Variants in GPR137C observed in about 807,000 individuals in gnomAD.
The protein encoded by GPR137C is G protein-coupled receptor 137C, also known as integral membrane protein GPR137C.
In GPR137C, 27 loss-of-function variants were observed where a neutral mutation model predicts 43.4. The ratio of observed to expected loss-of-function variants is 0.62; its 90% CI spans 0.46 to 0.86. The LOEUF (loss-of-function observed/expected upper bound fraction) is 0.86, where lower values mean the gene tolerates loss of function less well. Among genes scored for constraint, GPR137C ranks in the 40% least tolerant of loss-of-function variants. The pLI is 0.00. For missense variants in GPR137C, 522 were observed against 534.6 expected, an observed-to-expected ratio of 0.98 and a Z score of 0.23; for synonymous variants, 285 against 226.9, an observed-to-expected ratio of 1.26 and a Z score of -2.30.
chr14:52,631,255 CTTAGG>C (rs2039290616), intron 3 of GPR137C, among the ~76,000 whole-genome samples: 1 of 152,124 alleles, frequency 6.6e-6, no homozygotes, highest in South Asian at 2.1e-4. Context: ...GGACAGTTAG[CTTAGG>C]TGGAGGATTC....
At chr14:52,590,855 A>G (rs1034811746) in intron 1 of GPR137C, among the ~76,000 whole-genome samples, 3 of 151,926 alleles carry the variant, frequency 2.0e-5, no homozygotes, top group African/African-American at 7.2e-5. Context: ...TATTATACTT[A>G]AAGTTCTAGG....
At chr14:52,563,881 A>C (rs1566602220) in intron 1 of GPR137C, among the ~76,000 whole-genome samples, 2 of 152,146 alleles carry the variant, frequency 1.3e-5, no homozygotes, top group Non-Finnish European at 2.9e-5. Context: ...TGACTAGTCC[A>C]TGGCAGTTAG....
In GPR137C at chr14:52,607,348, T is replaced by C. The variant is rs900896384; in HGVS notation, c.717+7007T>C. On this transcript the variant is annotated intron_variant, in intron 3 of 6. Coordinates refer to ENST00000321662, the MANE Select transcript of GPR137C (RefSeq NM_001099652.2). ...TTATCTCCAATGTTTCTTTGTTGAT[T>C]TTCCACCTGGATGATCTGTCCGTTG... 2.0e-5 allele frequency among the ~76,000 whole-genome samples: 3 copies of C among 152,320 alleles called. No individual in the cohort carries two copies. The South Asian group carries it at 6.2e-4, about 32-fold the overall frequency.
chr14:52,576,403 A>G (rs1240997798), intron 1 of GPR137C, among the ~76,000 whole-genome samples: 1 of 152,222 alleles, frequency 6.6e-6, no homozygotes, highest in Non-Finnish European at 1.5e-5. Context: ...TATCTTTGCT[A>G]TTATGAATAG....
intron 1 of GPR137C, among the ~76,000 whole-genome samples, chr14:52,563,591 C>G (rs1047599014): frequency 1.3e-5 from 2 of 152,116 alleles, no homozygotes; most frequent in African/African-American, 4.8e-5. Flanking sequence ...CTGCAGTAAG[C>G]AATGTTTGCG....
chr14:52,559,475 AAAG>A (rs1395570645), intron 1 of GPR137C, among the ~76,000 whole-genome samples: 35 of 152,258 alleles, frequency 2.3e-4, no homozygotes, highest in African/African-American at 8.2e-4. Context: ...ATAGATGCAG[AAAG>A]AAGAATTTGA....
chr14:52,585,372 C>T (rs183618544), intron 1 of GPR137C, among the ~76,000 whole-genome samples: 21 of 151,140 alleles, frequency 1.4e-4, no homozygotes, highest in Admixed American at 1.3e-3. Flanking sequence ...TGCTCTCGCT[C>T]TCACTTGCTC....
chr14:52,621,874 AAATT>A lies in GPR137C; in HGVS notation c.718-10283_718-10280del, dbSNP rs1361335912. Reference sequence around the variant, plus strand: ...TAATACAAATCATACTATAAATAAAAAATTAAGAGATTATAAAAATATCCATTTA... The same window carrying A: ...TAATACAAATCATACTATAAATAAAAAAGAGATTATAAAAATATCCATTTA... On this transcript the variant is annotated intron_variant, in intron 3 of 6. Transcript: ENST00000321662. Among the ~76,000 whole-genome samples the A allele has an allele frequency of 2.0e-5, 3 of 151,810 alleles. No individual in the cohort carries two copies. In the East Asian group the frequency reaches 5.8e-4, roughly 29 times the overall value.
rs139930991 is a variant in GPR137C at position 52,563,600 on chromosome 14, C to T, written c.444+10009C>T. Among the ~76,000 whole-genome samples, 399 of 152,174 alleles carry T rather than the reference C, an allele frequency of 2.6e-3. 2 individuals carry two copies. Among genetic ancestry groups the T allele is most frequent in the African/African-American group, 8.9e-3 (371 of 41,508 alleles). On this transcript the variant is annotated intron_variant, in intron 1 of 6. Coordinates refer to ENST00000321662, the MANE Select transcript of GPR137C (RefSeq NM_001099652.2). ...TCGAGGCTGCAGTAAGCAATGTTTG[C>T]GCCACTGTACTCCAGCCTGGATTAC...
chr14:52,565,513 T>C lies in GPR137C; in HGVS notation c.444+11922T>C, dbSNP rs2038355758. On this transcript the variant is annotated intron_variant, in intron 1 of 6. Coordinates refer to ENST00000321662, the MANE Select transcript of GPR137C (RefSeq NM_001099652.2). ...CATCTATGTCTGCTTTGCCCCACTA[T>C]ACTACATATTGCTTTAGATCAGCCA... is the stretch of plus-strand genomic sequence containing the variant. 3.3e-5 allele frequency among the ~76,000 whole-genome samples: 5 copies of C among 152,226 alleles called. No individual in the cohort carries two copies. The South Asian group carries it at 1.0e-3, about 32-fold the overall frequency.
intron 3 of GPR137C, among the ~76,000 whole-genome samples, chr14:52,608,823 T>C (rs2039009343): frequency 6.6e-6 from 1 of 152,162 alleles, no homozygotes; most frequent in Non-Finnish European, 1.5e-5. Flanking sequence ...TCCTAAATGT[T>C]ATTTGCATCT....
Position 52,624,924 on chromosome 14 carries a change from CAA to C in GPR137C, c.718-7235_718-7234del, listed in dbSNP as rs368276018. Among the ~76,000 whole-genome samples, 83 of 152,114 alleles carry C rather than the reference CAA, an allele frequency of 5.5e-4. 2 individuals are homozygous for C. In the South Asian group the frequency reaches 0.014, roughly 26 times the overall value. ...TAAACATCTTACAGACATTAAAAGACAAGAGGATATATGAACAACACTTTGCT... is the reference window on the plus strand; with the variant it reads ...TAAACATCTTACAGACATTAAAAGACGAGGATATATGAACAACACTTTGCT... On this transcript the variant is annotated intron_variant, in intron 3 of 6. Coordinates refer to ENST00000321662, the MANE Select transcript of GPR137C (RefSeq NM_001099652.2).
At chr14:52,560,721 T>C (rs1019323178) in intron 1 of GPR137C, among the ~76,000 whole-genome samples, 2 of 152,194 alleles carry the variant, frequency 1.3e-5, no homozygotes, top group African/African-American at 4.8e-5. Flanking sequence ...AAATGAACAT[T>C]GATTGTTACC....
intron 1 of GPR137C, among the ~76,000 whole-genome samples, chr14:52,557,669 A>G (rs1594777490): frequency 6.6e-6 from 1 of 152,236 alleles, no homozygotes; most frequent in East Asian, 1.9e-4. Flanking sequence ...ACATGATTAT[A>G]ATGCCTTATA....
In GPR137C at chr14:52,625,426, G is replaced by A. The variant is rs1180469967; in HGVS notation, c.718-6734G>A. ...GAACCCAGGAAGTGGAGGTTGCAGT[G>A]AGCCAAGATTGCACTACTGCACTCC... On this transcript the variant is annotated intron_variant, in intron 3 of 6. Coordinates refer to ENST00000321662, the MANE Select transcript of GPR137C (RefSeq NM_001099652.2). Among the ~76,000 whole-genome samples the A allele has an allele frequency of 2.1e-5, 3 of 139,622 alleles. No individual in the cohort carries two copies. In the Admixed American group the frequency reaches 2.2e-4, roughly 10 times the overall value. 91.6% of individuals were successfully genotyped at this position (139,622 alleles called of 152,430 possible).
chr14:52,605,464 T>C (rs2038973870), intron 3 of GPR137C, among the ~76,000 whole-genome samples: 1 of 152,210 alleles, frequency 6.6e-6, no homozygotes, highest in African/African-American at 2.4e-5. Flanking sequence ...TTTAAGTTTT[T>C]CAAAATATGA....
intron 1 of GPR137C, among the ~76,000 whole-genome samples, chr14:52,588,588 A>T (rs1025137946): frequency 3.3e-5 from 5 of 152,240 alleles, no homozygotes; most frequent in Admixed American, 6.5e-5. Context: ...ATAAGGAAAC[A>T]CTATAAGATC....
intron 1 of GPR137C, among the ~76,000 whole-genome samples, chr14:52,556,266 T>G (rs1448737970): frequency 2.0e-5 from 3 of 152,162 alleles, no homozygotes; most frequent in Non-Finnish European, 4.4e-5. Flanking sequence ...CTTTAAGGAC[T>G]TAGTTATAAA....
chr14:52,591,672 GTTTGTT>G (rs1262551608), intron 1 of GPR137C, among the ~76,000 whole-genome samples: 1 of 152,054 alleles, frequency 6.6e-6, no homozygotes, highest in African/African-American at 2.4e-5. Context: ...TGATGGTGTT[GTTTGTT>G]TTTTTCTTGT....
Sources: allele counts gnomAD v4.1 joint callset (sites outside exome capture counted in the v4.1 genomes callset), GRCh38; gene constraint gnomAD v4.1.1; transcripts MANE v1.5; gene names NCBI Gene and HGNC (gene_info 2026-07-23, HGNC 2026-07-21).